DHRSX: variants seen among roughly 807,000 people sequenced by gnomAD.
DHRSX encodes dehydrogenase/reductase X-linked, also known as polyprenol dehydrogenase.
Under a neutral mutation model 34.0 loss-of-function variants are expected in DHRSX, and 31 were observed. The observed-to-expected ratio is 0.91, with a 90% CI of 0.69 to 1.23. The LOEUF is 1.23. Ranked by LOEUF, DHRSX falls within the 50% of genes most tolerant of loss-of-function variation. The pLI, the probability that DHRSX is intolerant of heterozygous loss-of-function variation, is 0.00. For missense variants in DHRSX, 414 were observed against 428.1 expected (o/e 0.97, Z 0.29); for synonymous variants, 201 against 183.8 (o/e 1.09, Z -0.76).
intron 2 of DHRSX, among the ~76,000 whole-genome samples, chrX:2,420,239 T>C (rs1265792876): frequency 6.6e-6 from 1 of 151,032 alleles, no homozygotes; most frequent in Non-Finnish European, 1.5e-5. Context: ...AAACCCCCCC[T>C]CTACTAAAAA....
At chrX:2,227,070 G>C (rs1005173295) in intron 6 of DHRSX, among the ~76,000 whole-genome samples, 46 of 151,982 alleles carry the variant, frequency 3.0e-4, no homozygotes, top group African/African-American at 1.0e-3. Context: ...TGTCTTTCCG[G>C]AAGGTGCAGC....
chrX:2,347,520 C>T (rs1045941720), intron 3 of DHRSX, among the ~76,000 whole-genome samples: 1 of 152,194 alleles, frequency 6.6e-6, no homozygotes, highest in African/African-American at 2.4e-5. Flanking sequence ...TTGGCAAAAG[C>T]CCGTCTCTAG....
chrX:2,358,982 G>A (rs1026998775), intron 3 of DHRSX, among the ~76,000 whole-genome samples: 17 of 149,492 alleles, frequency 1.1e-4, no homozygotes, highest in African/African-American at 3.2e-4. Context: ...ACATCCAGCC[G>A]ACAAGCCTAT....
intron 1 of DHRSX, among the ~76,000 whole-genome samples, chrX:2,456,798 G>A (rs1342111679): frequency 1.3e-5 from 2 of 151,970 alleles, no homozygotes; most frequent in African/African-American, 4.8e-5. Flanking sequence ...TGGGATGGGG[G>A]CATCTCCAGA....
At chrX:2,230,823 A>G (rs887249973) in intron 6 of DHRSX, among the ~76,000 whole-genome samples, 3 of 152,094 alleles carry the variant, frequency 2.0e-5, no homozygotes, top group Non-Finnish European at 2.9e-5. Context: ...CAGCCTACCA[A>G]TTTTGGACTT....
Position 2,409,492 on chromosome X carries a change from T to C in DHRSX, c.218-679A>G, listed in dbSNP as rs184951463. Among the ~76,000 whole-genome samples the C allele has an allele frequency of 3.9e-5, 6 of 152,218 alleles. No homozygotes were observed. In the East Asian group the frequency reaches 1.2e-3, roughly 29 times the overall value. On this transcript the variant is annotated intron_variant, in intron 2 of 6. Transcript: ENST00000334651. ...TCCCTGTGTCCATGCGTTCTCATTG[T>C]TCAACTCCCACTTATGAAGGAGAAC...
At chrX:2,349,830 A>AGGG in intron 3 of DHRSX, among the ~76,000 whole-genome samples, 1 of 97,584 alleles carries the variant, frequency 1.0e-5, no homozygotes, top group Non-Finnish European at 2.1e-5. Flanking sequence ...TCACGAGGTC[A>AGGG]GATCGAGACC....
At chrX:2,372,608 CTTTG>C (rs1216889868) in intron 3 of DHRSX, among the ~76,000 whole-genome samples, 9 of 96,948 alleles carry the variant, frequency 9.3e-5, no homozygotes, top group African/African-American at 2.4e-4. Flanking sequence ...TCTTTTCCTT[CTTTG>C]TTTTTTTTTT....
At chrX:2,453,989 G>A (rs2044262624) in intron 1 of DHRSX, among the ~76,000 whole-genome samples, 1 of 152,126 alleles carries the variant, frequency 6.6e-6, no homozygotes, top group Admixed American at 6.6e-5. Context: ...ATTGCACAAT[G>A]TGTACTTGGA....
intron 3 of DHRSX, among the ~76,000 whole-genome samples, chrX:2,381,702 C>T (rs1334236339): frequency 1.1e-4 from 17 of 149,920 alleles, no homozygotes; most frequent in South Asian, 2.1e-4. Flanking sequence ...CCTGAGGGCA[C>T]GTACGTTCCC....
At chrX:2,267,590 C>T (rs1328780042) in intron 4 of DHRSX, among the ~76,000 whole-genome samples, 4 of 150,586 alleles carry the variant, frequency 2.7e-5, no homozygotes, top group African/African-American at 2.4e-5. Context: ...AATGATAACA[C>T]AGCAACACAC....
chrX:2,353,974 G>A, intron 3 of DHRSX, among the ~76,000 whole-genome samples: 1 of 152,146 alleles, frequency 6.6e-6, no homozygotes, highest in East Asian at 1.9e-4. Flanking sequence ...AGCCCAGGAA[G>A]AAGGCAGCGT....
At chrX:2,339,985 A>G (rs2096091578) in intron 3 of DHRSX, among the ~76,000 whole-genome samples, 1 of 152,122 alleles carries the variant, frequency 6.6e-6, no homozygotes, top group Non-Finnish European at 1.5e-5. Context: ...ACTCCCACCA[A>G]CAGTGTAAAA....
intron 3 of DHRSX, among the ~76,000 whole-genome samples, chrX:2,394,424 G>A (rs374602066): frequency 1.3e-5 from 2 of 152,240 alleles, no homozygotes; most frequent in Non-Finnish European, 2.9e-5. Context: ...GTGATATGAT[G>A]TCAGAGCTAT....
At position 2,372,430 on chromosome X, in the gene DHRSX, G is replaced by A. The variant is rs753598214; in HGVS notation, c.286+36315C>T. Among the ~76,000 whole-genome samples, 7 of 152,170 alleles carry A rather than the reference G, an allele frequency of 4.6e-5. No homozygotes were observed. In the East Asian group the frequency reaches 1.4e-3, roughly 29 times the overall value. ...CCGCTGGGGGAAGGCAGGCAGTTGT[G>A]TCAAATTGGAACCGAATCACAAATG... On this transcript the variant is annotated intron_variant, in intron 3 of 6. Transcript: ENST00000334651.
intron 6 of DHRSX, among the ~76,000 whole-genome samples, chrX:2,225,073 T>G (rs2015617943): frequency 1.4e-5 from 2 of 144,176 alleles, no homozygotes; most frequent in Admixed American, 6.9e-5. Flanking sequence ...TCACATGCAC[T>G]CACATGCTCA....
chrX:2,324,650 G>A (rs913416825), intron 3 of DHRSX, among the ~76,000 whole-genome samples: 1 of 152,032 alleles, frequency 6.6e-6, no homozygotes, highest in African/African-American at 2.4e-5. Flanking sequence ...ATGATACTCG[G>A]CAATATAGTA....
chrX:2,345,905 G>A (rs1357603707), intron 3 of DHRSX, among the ~76,000 whole-genome samples: 1 of 152,098 alleles, frequency 6.6e-6, no homozygotes, highest in Non-Finnish European at 1.5e-5. Context: ...ATCACCATAT[G>A]AGCAAAATTC....
intron 3 of DHRSX, among the ~76,000 whole-genome samples, chrX:2,344,903 ATATATATATATACT>A (rs1314588544): frequency 2.5e-5 from 3 of 120,712 alleles, no homozygotes; most frequent in Admixed American, 8.3e-5. Flanking sequence ...ATATATATAT[ATATATATATATACT>A]GTATTTATTT....
Sources: allele counts gnomAD v4.1 joint callset (sites outside exome capture counted in the v4.1 genomes callset), GRCh38; gene constraint gnomAD v4.1.1; transcripts MANE v1.5; gene names NCBI Gene and HGNC (gene_info 2026-07-23, HGNC 2026-07-21).